Variants in PTPRD observed in about 807,000 individuals in gnomAD.
PTPRD encodes the protein protein tyrosine phosphatase receptor type D.
Under a neutral mutation model 214.5 loss-of-function variants are expected in PTPRD, and 34 were observed. That is an observed-to-expected ratio of 0.16 (90% CI 0.12 to 0.21). The LOEUF (loss-of-function observed/expected upper bound fraction) is 0.21. Among genes scored for constraint, PTPRD ranks in the 10% least tolerant of loss-of-function variants. The probability of loss-of-function intolerance (pLI) is 1.00; values close to 1 mark genes in which losing one functional copy is unlikely to be tolerated. For missense variants in PTPRD, 2,545 were observed against 2,398.7 expected, an observed-to-expected ratio of 1.06 and a Z score of -1.27; for synonymous variants, 1,128 against 845.7, an observed-to-expected ratio of 1.33 and a Z score of -5.79.
chr9:10,004,203 G>A (rs954032471), intron 4 of PTPRD, among the ~76,000 whole-genome samples: 1 of 151,730 alleles, frequency 6.6e-6, no homozygotes, highest in Non-Finnish European at 1.5e-5. Context: ...AAAAAATTTA[G>A]GTTGTATATA....
At chr9:8,601,598 G>A (rs1175983586) in intron 14 of PTPRD, among the ~76,000 whole-genome samples, 1 of 152,128 alleles carries the variant, frequency 6.6e-6, no homozygotes, top group Non-Finnish European at 1.5e-5. Context: ...GTTTCTGCCT[G>A]GTAATGCACA....
intron 3 of PTPRD, among the ~76,000 whole-genome samples, chr9:10,285,669 G>A (rs193014517): frequency 0.078 from 11,489 of 148,150 alleles, 1,026 homozygotes; most frequent in African/African-American, 0.19. Flanking sequence ...GGAGGGCGGT[G>A]GTGCCATCTA....
At chr9:10,323,583 T>G (rs916801072) in intron 3 of PTPRD, among the ~76,000 whole-genome samples, 26 of 151,626 alleles carry the variant, frequency 1.7e-4, no homozygotes, top group Admixed American at 1.6e-3. Flanking sequence ...CTGCAACTCT[T>G]TCTACATCTG....
intron 7 of PTPRD, among the ~76,000 whole-genome samples, chr9:9,591,026 G>A (rs954609222): frequency 6.6e-6 from 1 of 152,020 alleles, no homozygotes; most frequent in African/African-American, 2.4e-5. Context: ...AGGTGTCCGT[G>A]CCTTAATCCC....
intron 7 of PTPRD, among the ~76,000 whole-genome samples, chr9:9,575,874 A>G (rs1035333818): frequency 6.6e-6 from 1 of 151,886 alleles, no homozygotes; most frequent in Admixed American, 6.6e-5. Flanking sequence ...CTCGCCATCA[A>G]GTTTGTTTAA....
intron 11 of PTPRD, among the ~76,000 whole-genome samples, chr9:8,785,962 C>T (rs1189040414): frequency 1.3e-5 from 2 of 152,100 alleles, no homozygotes; most frequent in African/African-American, 4.8e-5. Context: ...GATGGCCCAA[C>T]AGAATCACTT....
chr9:9,580,363 C>G (rs1018922693), intron 7 of PTPRD, among the ~76,000 whole-genome samples: 11 of 152,022 alleles, frequency 7.2e-5, no homozygotes, highest in Middle Eastern at 3.4e-3. Flanking sequence ...TGTGTTCTTG[C>G]CAACACTTTT....
At chr9:8,534,636 T>TATAC (rs1554728872) in intron 14 of PTPRD, among the ~76,000 whole-genome samples, 2 of 151,316 alleles carry the variant, frequency 1.3e-5, no homozygotes. Flanking sequence ...AGTATATATA[T>TATAC]ATACACACAC....
rs373568470 is a variant in PTPRD at position 8,389,213 on chromosome 9, G to C, written c.4386+19C>G. ...GAGGGAAAATTTTTAAAAGGAAAGA[G>C]GTGGATACTTATTCTTACCCTTGAT... On this transcript the variant is annotated intron_variant, in intron 37 of 45. Coordinates refer to ENST00000381196, the MANE Select transcript of PTPRD (RefSeq NM_002839.4). 189 of 1,590,536 alleles carry C rather than the reference G, an allele frequency of 1.2e-4. No homozygotes were observed. The highest frequency in any genetic ancestry group is 1.5e-4 in the Non-Finnish European group (175 of 1,169,548).
In PTPRD at chr9:8,625,677, A is replaced by G. The variant is rs559019554; in HGVS notation, c.352+7640T>C. 7.0e-4 allele frequency among the ~76,000 whole-genome samples: 106 copies of G among 151,880 alleles called. 1 individual carries two copies. The highest frequency in any genetic ancestry group is 2.5e-3 in the African/African-American group (104 of 41,502). On this transcript the variant is annotated intron_variant, in intron 14 of 45. Transcript: ENST00000381196. The stretch of plus-strand genomic sequence containing the variant: ...AAATCTATCAATTAAAAAAAAATCT[A>G]CTGTGTTAAAGGGTGAAAATAACAT...
At chr9:8,458,964 T>C (rs547952651) in intron 33 of PTPRD, among the ~76,000 whole-genome samples, 69 of 152,294 alleles carry the variant, frequency 4.5e-4, no homozygotes, top group South Asian at 4.1e-3. Flanking sequence ...GTTATGGTTA[T>C]GAACTTCTTT....
chr9:9,639,025 A>G (rs574323965), intron 7 of PTPRD, among the ~76,000 whole-genome samples: 24 of 152,290 alleles, frequency 1.6e-4, no homozygotes, highest in African/African-American at 5.8e-4. Context: ...CCACCTCCCA[A>G]TACTGTTGCA....
At chr9:9,135,570 G>A (rs190472104) in intron 10 of PTPRD, among the ~76,000 whole-genome samples, 5 of 152,202 alleles carry the variant, frequency 3.3e-5, no homozygotes, top group African/African-American at 9.6e-5. Context: ...ATTCCCAGAA[G>A]GTGGCTAAGT....
chr9:8,611,431 G>A (rs997670716), intron 14 of PTPRD, among the ~76,000 whole-genome samples: 43 of 152,132 alleles, frequency 2.8e-4, no homozygotes, highest in African/African-American at 9.7e-4. Flanking sequence ...AGGGCCAGGC[G>A]TAGTGGCTCA....
intron 10 of PTPRD, among the ~76,000 whole-genome samples, chr9:9,039,521 G>C (rs1197477421): frequency 6.6e-6 from 1 of 152,116 alleles, no homozygotes; most frequent in Non-Finnish European, 1.5e-5. Context: ...AAGGTTTTTT[G>C]TGGAACACAA....
chr9:8,866,286 T>C (rs1216153521), intron 11 of PTPRD, among the ~76,000 whole-genome samples: 3 of 152,174 alleles, frequency 2.0e-5, no homozygotes, highest in African/African-American at 7.2e-5. Context: ...CATTCCTGCT[T>C]GGTTATTTAT....
chr9:8,715,829 T>C (rs1273607560), intron 12 of PTPRD, among the ~76,000 whole-genome samples: 1 of 152,198 alleles, frequency 6.6e-6, no homozygotes, highest in Admixed American at 6.5e-5. Flanking sequence ...AATAGATAAG[T>C]TTAAAGTTTA....
At chr9:8,626,846 C>T (rs940171982) in intron 14 of PTPRD, among the ~76,000 whole-genome samples, 1 of 151,790 alleles carries the variant, frequency 6.6e-6, no homozygotes, top group Non-Finnish European at 1.5e-5. Context: ...TTTGGCAGAT[C>T]TTGAAACTTC....
At chr9:8,775,017 C>G (rs546758465) in intron 11 of PTPRD, among the ~76,000 whole-genome samples, 21 of 152,054 alleles carry the variant, frequency 1.4e-4, no homozygotes, top group African/African-American at 4.3e-4. Flanking sequence ...AATTTTTGAT[C>G]GGGCGCCATG....
Sources: allele counts gnomAD v4.1 joint callset (sites outside exome capture counted in the v4.1 genomes callset), GRCh38; gene constraint gnomAD v4.1.1; transcripts MANE v1.5; gene names NCBI Gene and HGNC (gene_info 2026-07-23, HGNC 2026-07-21).